PPP1R13B: variants seen among roughly 807,000 people sequenced by gnomAD.
PPP1R13B encodes the protein apoptosis-stimulating of p53 protein 1.
A neutral mutation model predicts 119.8 loss-of-function variants in PPP1R13B; 44 were observed. That is an observed-to-expected ratio of 0.37 (90% CI 0.29 to 0.47). The LOEUF is 0.47. Among genes scored for constraint, PPP1R13B ranks in the 20% least tolerant of loss-of-function variants. The pLI, the probability that PPP1R13B is intolerant of heterozygous loss-of-function variation, is 0.99. For synonymous variants in PPP1R13B, 542 were observed against 561.5 expected, an observed-to-expected ratio of 0.97 and a Z score of 0.49; for missense variants, 1,227 against 1,413.5, an observed-to-expected ratio of 0.87 and a Z score of 2.12.
chr14:103,800,414 AGGCCAAGGTG>A (rs2085870297), intron 1 of PPP1R13B, among the ~76,000 whole-genome samples: 1 of 152,176 alleles, frequency 6.6e-6, no homozygotes, highest in Non-Finnish European at 1.5e-5. Context: ...GCACTCTGGG[AGGCCAAGGTG>A]GGCGGACTAC....
At chr14:103,811,503 C>T (rs573211520) in intron 1 of PPP1R13B, among the ~76,000 whole-genome samples, 43 of 152,116 alleles carry the variant, frequency 2.8e-4, no homozygotes, top group African/African-American at 9.9e-4. Context: ...GTCTGAACAA[C>T]ATAGGGAGAC....
intron 1 of PPP1R13B, among the ~76,000 whole-genome samples, chr14:103,838,360 T>A (rs2086826246): frequency 6.6e-6 from 1 of 152,130 alleles, no homozygotes; most frequent in African/African-American, 2.4e-5. Flanking sequence ...GGCAGTGGTA[T>A]AATGGGAAAC....
At chr14:103,794,635 GTAAGT>G (rs2085713517) in intron 2 of PPP1R13B, 7 of 446,658 alleles carry the variant, frequency 1.6e-5, no homozygotes, top group South Asian at 1.1e-4. Flanking sequence ...GCCAGGTGCA[GTAAGT>G]TTTATGTGAG....
At chr14:103,739,295 C>T (rs1055566182) in intron 12 of PPP1R13B, 37 of 444,558 alleles carry the variant, frequency 8.3e-5, no homozygotes, top group East Asian at 5.1e-4. Flanking sequence ...GGCCACTCCT[C>T]GGAAGACTCT....
At chr14:103,838,449 G>A (rs2086828011) in intron 1 of PPP1R13B, among the ~76,000 whole-genome samples, 1 of 152,140 alleles carries the variant, frequency 6.6e-6, no homozygotes, top group Non-Finnish European at 1.5e-5. Flanking sequence ...ACAAACAAAT[G>A]TTTAAGATTA....
At chr14:103,788,590 G>A (rs2085530157) in intron 2 of PPP1R13B, among the ~76,000 whole-genome samples, 2 of 151,960 alleles carry the variant, frequency 1.3e-5, no homozygotes, top group African/African-American at 2.4e-5. Context: ...TCAGGAAGCT[G>A]AGATGGAAGG....
intron 2 of PPP1R13B, among the ~76,000 whole-genome samples, chr14:103,787,632 G>C (rs1301475853): frequency 6.7e-6 from 1 of 149,576 alleles, no homozygotes; most frequent in African/African-American, 2.5e-5. Flanking sequence ...GGGAAACACA[G>C]TGAGACTTAA....
chr14:103,735,519 G>A (rs111291763), intron 16 of PPP1R13B, among the ~76,000 whole-genome samples: 2,724 of 152,310 alleles, frequency 0.018, 65 homozygotes, highest in African/African-American at 0.053. Context: ...GGCCAAGAAC[G>A]TTGGCTCAAC....
At chr14:103,840,674 C>A (rs1264226990) in intron 1 of PPP1R13B, among the ~76,000 whole-genome samples, 2 of 151,884 alleles carry the variant, frequency 1.3e-5, no homozygotes, top group Non-Finnish European at 2.9e-5. Flanking sequence ...GCCTGTAAAC[C>A]CAGCTGCTTT....
intron 1 of PPP1R13B, among the ~76,000 whole-genome samples, chr14:103,809,516 A>C (rs2152056755): frequency 6.6e-6 from 1 of 152,144 alleles, no homozygotes; most frequent in South Asian, 2.1e-4. Context: ...CTATCCACTA[A>C]AACTTAAAGA....
rs772632366 is a variant in PPP1R13B, at chr14:103,738,831, G to A, written c.2731-19C>T. On this transcript the variant is annotated intron_variant, in intron 13 of 16. Transcript: ENST00000202556. This position sits in a 1 kb window ranked among gnomAD's most constrained non-coding sequence, Gnocchi z 5.6. ...CTTCCACCTAGGACACACGGCCTGTGAGCGCCCATCCCCTCGCCCCCAGCA... is the reference window on the plus strand; with the variant it reads ...CTTCCACCTAGGACACACGGCCTGTAAGCGCCCATCCCCTCGCCCCCAGCA... 5.6e-6 allele frequency: 9 copies of A among 1,613,808 alleles called. No individual in the cohort carries two copies. The Admixed American group carries it at 8.3e-5, about 15-fold the overall frequency.
At chr14:103,794,321 G>GTTT in intron 2 of PPP1R13B, among the ~76,000 whole-genome samples, 1 of 109,310 alleles carries the variant, frequency 9.1e-6, no homozygotes, top group Non-Finnish European at 1.7e-5. Context: ...GCAGTAATTT[G>GTTT]TTTTTTGTTT....
At chr14:103,750,894 G>A (rs569513191) in intron 7 of PPP1R13B, among the ~76,000 whole-genome samples, 21 of 151,498 alleles carry the variant, frequency 1.4e-4, no homozygotes, top group Non-Finnish European at 2.9e-4. Flanking sequence ...AGTGGCTCAC[G>A]CCTATAATCC....
chr14:103,789,795 T>C (rs1277522833), intron 2 of PPP1R13B, among the ~76,000 whole-genome samples: 1 of 152,098 alleles, frequency 6.6e-6, no homozygotes, highest in African/African-American at 2.4e-5. Context: ...ATTACAGGTG[T>C]GGGCCACTGT....
Position 103,816,186 on chromosome 14 carries a change from G to T in PPP1R13B, c.10-18668C>A, listed in dbSNP as rs536559629. Among the ~76,000 whole-genome samples, 4 of 147,126 alleles carry T rather than the reference G, an allele frequency of 2.7e-5. No homozygotes were observed. The South Asian group carries it at 8.7e-4, about 32-fold the overall frequency. The stretch of plus-strand genomic sequence containing the variant: ...AACTTTTTTTTTTTTTTTGAGACAA[G>T]AGTCTCACTCTGTTGCCCAAGCTGG... On this transcript the variant is annotated intron_variant, in intron 1 of 16. Transcript: ENST00000202556.
chr14:103,825,989 T>G (rs2086530829), intron 1 of PPP1R13B, among the ~76,000 whole-genome samples: 1 of 151,988 alleles, frequency 6.6e-6, no homozygotes, highest in African/African-American at 2.4e-5. Context: ...AAATTACAGG[T>G]GCCCACCACC....
At chr14:103,836,261 G>A (rs994669537) in intron 1 of PPP1R13B, among the ~76,000 whole-genome samples, 1 of 149,466 alleles carries the variant, frequency 6.7e-6, no homozygotes, top group Non-Finnish European at 1.5e-5. Context: ...GGCGAGGCTG[G>A]TCTCGAATTC....
At chr14:103,750,305 C>G (rs1231722706) in intron 7 of PPP1R13B, among the ~76,000 whole-genome samples, 1 of 152,154 alleles carries the variant, frequency 6.6e-6, no homozygotes, top group East Asian at 1.9e-4. Context: ...GTGGAGGCAG[C>G]AGGAAACTCA....
chr14:103,847,457 G>A lies in PPP1R13B; in HGVS notation c.-150C>T. 3 of 998,414 alleles carry A rather than the reference G, an allele frequency of 3.0e-6. No homozygotes were observed. Among genetic ancestry groups the A allele is most frequent in the Non-Finnish European group, 3.6e-6 (3 of 839,814 alleles). 61.8% of individuals were successfully genotyped at this position (998,414 alleles called of 1,614,324 possible). A position where few individuals can be genotyped will look rare whatever the true frequency, so the allele number is the denominator to read the frequency against. ...GGCGAGGCGGCAGCTGCGGCGGGCT[G>A]CGGGGCTCTCGCTGGCCCTGTCGCG... On this transcript the variant is annotated 5_prime_UTR_variant, in exon 1 of 17. Transcript: ENST00000202556.
Sources: gnomAD v4.1 joint callset for allele counts (sites outside exome capture counted in the v4.1 genomes callset) on GRCh38, gnomAD v4.1.1 for gene constraint, Gnocchi (gnomAD v3.1) non-coding constraint, MANE v1.5 for transcripts, NCBI Gene and HGNC (gene_info 2026-07-23, HGNC 2026-07-21) for gene names.